The following ANKS1B variants were observed in gnomAD, a reference collection of about 807,000 sequenced individuals.
The protein encoded by ANKS1B is ankyrin repeat and sterile alpha motif domain containing 1B.
Under a neutral mutation model 148.3 loss-of-function variants are expected in ANKS1B, and 36 were observed. The ratio of observed to expected loss-of-function variants is 0.24; its 90% CI spans 0.19 to 0.32. The LOEUF (loss-of-function observed/expected upper bound fraction) is 0.32. Ranked by LOEUF, ANKS1B falls within the 10% of genes least tolerant of loss-of-function variation. The probability of loss-of-function intolerance (pLI) is 1.00; values close to 1 mark genes in which losing one functional copy is unlikely to be tolerated. For synonymous variants in ANKS1B, 542 were observed against 560.8 expected, an observed-to-expected ratio of 0.97 and a Z score of 0.47; for missense variants, 1,157 against 1,542.6, an observed-to-expected ratio of 0.75 and a Z score of 4.19.
At chr12:99,937,119 C>A (rs897561009) in intron 1 of ANKS1B, among the ~76,000 whole-genome samples, 5 of 152,198 alleles carry the variant, frequency 3.3e-5, no homozygotes, top group Non-Finnish European at 7.4e-5. Context: ...TGGCAAATTT[C>A]TGGATCTCTC....
At chr12:99,824,972 G>T (rs1019315355) in intron 2 of ANKS1B, among the ~76,000 whole-genome samples, 1 of 152,070 alleles carries the variant, frequency 6.6e-6, no homozygotes, top group African/African-American at 2.4e-5. Context: ...AATACAAGGA[G>T]ACACCAAAAA....
chr12:99,061,344 T>C (rs2042399081), intron 16 of ANKS1B, among the ~76,000 whole-genome samples: 1 of 152,214 alleles, frequency 6.6e-6, no homozygotes, highest in African/African-American at 2.4e-5. Context: ...GGCAAAACAA[T>C]ACCCTGGAGT....
chr12:98,781,988 CA>C (rs1372536882), intron 23 of ANKS1B, 137 bp downstream of exon 23: 1 of 728,162 alleles, frequency 1.4e-6, no homozygotes, highest in Non-Finnish European at 2.3e-6. Context: ...TATGCATCTG[CA>C]AAAAGTTTCT....
At chr12:98,905,529 C>T (rs765574267) in intron 17 of ANKS1B, among the ~76,000 whole-genome samples, 62 of 152,066 alleles carry the variant, frequency 4.1e-4, no homozygotes, top group Middle Eastern at 3.2e-3. Flanking sequence ...CAGCACTTTG[C>T]GGGGCCGAGG....
At chr12:99,249,400 C>T (rs534028287) in intron 12 of ANKS1B, among the ~76,000 whole-genome samples, 4 of 152,238 alleles carry the variant, frequency 2.6e-5, no homozygotes, top group Non-Finnish European at 4.4e-5. Context: ...AATTACCACC[C>T]CACAATGCTT....
At chr12:99,237,850 CT>C (rs2088315115) in intron 14 of ANKS1B, among the ~76,000 whole-genome samples, 1 of 152,222 alleles carries the variant, frequency 6.6e-6, no homozygotes, top group Non-Finnish European at 1.5e-5. Flanking sequence ...CACCTAGGCT[CT>C]AGCAATCCTT....
At chr12:99,042,641 C>T (rs148369462) in intron 17 of ANKS1B, among the ~76,000 whole-genome samples, 1 of 152,334 alleles carries the variant, frequency 6.6e-6, no homozygotes, top group Non-Finnish European at 1.5e-5. Context: ...GAAGCTGCCC[C>T]TCCATTTGCC....
intron 16 of ANKS1B, among the ~76,000 whole-genome samples, chr12:99,065,431 A>T (rs2043797944): frequency 6.6e-6 from 1 of 152,204 alleles, no homozygotes; most frequent in Admixed American, 6.5e-5. Context: ...CAAGCAGATA[A>T]ATGTACCACA....
At position 99,675,331 on chromosome 12, in the gene ANKS1B, TTAAA is replaced by T. The variant is rs1263766212; in HGVS notation, c.1129-20125_1129-20122del. ...CTTAATATTTAACTGAAAAACACTG[TTAAA>T]TAAATTAGAGTATATCTATGTAAGA... On this transcript the variant is annotated intron_variant, in intron 8 of 26. Transcript: ENST00000683438. Among the ~76,000 whole-genome samples the T allele has an allele frequency of 3.3e-5, 5 of 152,058 alleles. No homozygotes were observed. In the East Asian group the frequency reaches 5.8e-4, roughly 18 times the overall value.
intron 1 of ANKS1B, among the ~76,000 whole-genome samples, chr12:99,971,689 T>C (rs2153837057): frequency 6.6e-6 from 1 of 152,202 alleles, no homozygotes; most frequent in Middle Eastern, 3.4e-3. Context: ...GCTTTCCCTG[T>C]ACCGTAAAAC....
intron 10 of ANKS1B, among the ~76,000 whole-genome samples, chr12:99,476,121 G>A (rs1323247356): frequency 2.6e-5 from 4 of 152,278 alleles, no homozygotes; most frequent in African/African-American, 9.6e-5. Flanking sequence ...GGCCAGGTGC[G>A]GCAGTTCACG....
At chr12:98,781,025 G>A (rs1382286882) in intron 24 of ANKS1B, 92 bp downstream of exon 24, 3 of 725,654 alleles carry the variant, frequency 4.1e-6, no homozygotes, top group East Asian at 5.4e-5. Context: ...ATTACAGTGG[G>A]GAGTGCTGGG....
chr12:99,607,387 TC>T (rs916929096), intron 9 of ANKS1B, among the ~76,000 whole-genome samples: 6 of 151,646 alleles, frequency 4.0e-5, no homozygotes, highest in Non-Finnish European at 7.4e-5. Flanking sequence ...TTTTTTTTTT[TC>T]CCCCATGACT....
At chr12:99,855,934 A>G (rs1028064605) in intron 1 of ANKS1B, among the ~76,000 whole-genome samples, 13 of 152,170 alleles carry the variant, frequency 8.5e-5, no homozygotes, top group African/African-American at 3.1e-4. Context: ...GAAAGTTCAT[A>G]GCATTAAATA....
intron 9 of ANKS1B, among the ~76,000 whole-genome samples, chr12:99,533,015 T>G (rs1277899440): frequency 1.3e-5 from 2 of 152,238 alleles, no homozygotes; most frequent in Non-Finnish European, 2.9e-5. Flanking sequence ...TAGGCTTTTT[T>G]GGTTGGTTCC....
intron 11 of ANKS1B, among the ~76,000 whole-genome samples, chr12:99,412,350 T>C (rs544443393): frequency 1.3e-5 from 2 of 152,312 alleles, no homozygotes; most frequent in South Asian, 2.1e-4. Context: ...CCTTAGATAC[T>C]TATTACCATC....
rs1294157800 is a variant in ANKS1B at position 98,832,162 on chromosome 12, AT to A, written c.2779-27del. 3 of 1,501,062 alleles carry A rather than the reference AT, an allele frequency of 2.0e-6. No homozygotes were observed. The African/African-American group carries it at 4.2e-5, about 21-fold the overall frequency. 93.0% of individuals were successfully genotyped at this position (1,501,062 alleles called of 1,614,324 possible). On this transcript the variant is annotated intron_variant, in intron 17 of 26. Coordinates refer to ENST00000683438, the MANE Select transcript of ANKS1B (RefSeq NM_001352186.2). ...CTGAAACAACATATATTTGGGTTAAATATTTCACTGGAGAACAAATAATTTT... is the reference window on the plus strand; with the variant it reads ...CTGAAACAACATATATTTGGGTTAAAATTTCACTGGAGAACAAATAATTTT...
chr12:99,391,648 T>C (rs1023118892), intron 12 of ANKS1B, among the ~76,000 whole-genome samples: 1 of 152,198 alleles, frequency 6.6e-6, no homozygotes, highest in Non-Finnish European at 1.5e-5. Context: ...CTAATTTCAT[T>C]TGGAGTAGCA....
chr12:99,257,243 C>CA (rs530506432), intron 12 of ANKS1B, among the ~76,000 whole-genome samples: 6,278 of 140,162 alleles, frequency 0.045, 209 homozygotes, highest in African/African-American at 0.097. Flanking sequence ...GACTCCGTCT[C>CA]AAAAAAAAAA....
Sources: gnomAD v4.1 joint callset for allele counts (sites outside exome capture counted in the v4.1 genomes callset) on GRCh38, gnomAD v4.1.1 for gene constraint, MANE v1.5 for transcripts, NCBI Gene and HGNC (gene_info 2026-07-23, HGNC 2026-07-21) for gene names.